STK32C: variants seen among roughly 807,000 people sequenced by gnomAD.
STK32C encodes the protein serine/threonine kinase 32C.
A neutral mutation model predicts 56.5 loss-of-function variants in STK32C; 31 were observed. That is an observed-to-expected ratio of 0.55 (90% CI 0.41 to 0.74). The LOEUF is 0.74. Among genes scored for constraint, STK32C ranks in the 30% least tolerant of loss-of-function variants. STK32C has a pLI of 0.00. For missense variants in STK32C, 544 were observed against 676.9 expected (o/e 0.80, Z 2.18); for synonymous variants, 309 against 289.4 (o/e 1.07, Z -0.69).
downstream of STK32C, among the ~76,000 whole-genome samples, chr10:132,320,318 G>T (rs1243222189): frequency 6.6e-6 from 1 of 152,044 alleles, no homozygotes; most frequent in Admixed American, 6.5e-5. Context: ...AGTCATAACT[G>T]TTGCAATGGG....
intron 10 of STK32C, among the ~76,000 whole-genome samples, chr10:132,210,136 G>A (rs968268218): frequency 3.9e-5 from 6 of 152,214 alleles, no homozygotes; most frequent in African/African-American, 9.6e-5. Context: ...TATGCAATGC[G>A]TGACAACAGT....
At chr10:132,208,280 G>A (rs1590116643) in intron 11 of STK32C, 129 bp from the exon 12 acceptor site, 1 of 1,125,324 alleles carries the variant, frequency 8.9e-7, no homozygotes, top group Non-Finnish European at 1.1e-6. Context: ...CAGGCTCGGT[G>A]TCTGCTGGAG....
Position 132,208,015 on chromosome 10 carries a change from C to T in STK32C, c.1456G>A (p.Gly486Ser), listed in dbSNP as rs780331333. The T allele has an allele frequency of 6.1e-6, 8 of 1,307,926 alleles. No individual in the cohort carries two copies. Among genetic ancestry groups the T allele is most frequent in the African/African-American group, 3.0e-5 (2 of 66,316 alleles). 81.0% of individuals were successfully genotyped at this position (1,307,926 alleles called of 1,614,324 possible). Residue 486 changes from glycine (G) to serine (S), a missense_variant, in exon 12 of 12, where the codon GGC (glycine) becomes AGC (serine). Gly to Ser is a moderately conservative substitution (Grantham distance 56). Around this residue, in one of 3 missense-constraint regions of STK32C, gnomAD observed 277 missense variants for 309.3 expected, o/e 0.90. Transcript: ENST00000298630. ...AGGACCACGGGCGTCCCGGCCTAGCCGCTCCCGGCCGAGGGGCAAATGGGG... is the reference window on the plus strand; with the variant it reads ...AGGACCACGGGCGTCCCGGCCTAGCTGCTCCCGGCCGAGGGGCAAATGGGG... ...CGPICPSAGSG is the reference protein window; with the variant it reads ...CGPICPSAGSS
downstream of STK32C, among the ~76,000 whole-genome samples, chr10:132,321,326 G>A (rs1471647529): frequency 1.3e-5 from 2 of 152,208 alleles, no homozygotes; most frequent in Non-Finnish European, 2.9e-5. Flanking sequence ...CACCTGCAGA[G>A]TAAGAGGTAA....
At chr10:132,305,025 A>G (rs1343500977) in intron 1 of STK32C, among the ~76,000 whole-genome samples, 1 of 152,250 alleles carries the variant, frequency 6.6e-6, no homozygotes, top group Non-Finnish European at 1.5e-5. Flanking sequence ...TGGTATCACC[A>G]GGACACCAAG....
intron 1 of STK32C, chr10:132,249,055 G>T (rs780668227): frequency 2.5e-5 from 12 of 476,280 alleles, no homozygotes; most frequent in Non-Finnish European, 4.6e-5. Flanking sequence ...ACTGTGCGAC[G>T]GAGGCGGCGG....
intron 1 of STK32C, among the ~76,000 whole-genome samples, chr10:132,263,613 T>C (rs1451019030): frequency 2.0e-5 from 3 of 151,866 alleles, no homozygotes; most frequent in Non-Finnish European, 4.4e-5. Context: ...ATCCCAGCAT[T>C]TTGGGAGGCA....
intron 1 of STK32C, among the ~76,000 whole-genome samples, chr10:132,267,375 G>C (rs1279411384): frequency 6.6e-5 from 10 of 152,272 alleles, no homozygotes; most frequent in African/African-American, 2.4e-4. Context: ...ACATGTGAAT[G>C]TGCATGTGTG....
chr10:132,264,879 C>CATTCTG (rs2064446433), intron 1 of STK32C, among the ~76,000 whole-genome samples: 1 of 152,252 alleles, frequency 6.6e-6, no homozygotes, highest in Non-Finnish European at 1.5e-5. Context: ...TAGGGCGCTT[C>CATTCTG]ATTCTGACTT....
intron 1 of STK32C, among the ~76,000 whole-genome samples, chr10:132,331,260 G>A (rs185637709): frequency 6.7e-6 from 1 of 150,266 alleles, no homozygotes; most frequent in African/African-American, 2.5e-5. Flanking sequence ...AACTGTCCGG[G>A]TTTCCAGAGT....
intron 1 of STK32C, among the ~76,000 whole-genome samples, chr10:132,299,695 C>A (rs1399426733): frequency 6.6e-6 from 1 of 152,248 alleles, no homozygotes; most frequent in Non-Finnish European, 1.5e-5. Context: ...CCCACAGCAT[C>A]GTGAGAAACC....
chr10:132,208,640 T>C (rs1478015401), intron 11 of STK32C, among the ~76,000 whole-genome samples: 1 of 152,200 alleles, frequency 6.6e-6, no homozygotes, highest in Non-Finnish European at 1.5e-5. Flanking sequence ...ATTTCTGGCC[T>C]GCCTTGCCTG....
At chr10:132,248,757 G>A (rs1177831761) in intron 1 of STK32C, among the ~76,000 whole-genome samples, 3 of 152,142 alleles carry the variant, frequency 2.0e-5, no homozygotes, top group Admixed American at 1.3e-4. Flanking sequence ...CCTGGGAAAC[G>A]AAGCCAGCAT....
intron 1 of STK32C, among the ~76,000 whole-genome samples, chr10:132,248,244 G>A (rs2063759513): frequency 6.6e-6 from 1 of 152,218 alleles, no homozygotes; most frequent in African/African-American, 2.4e-5. Flanking sequence ...CCAGCACGTG[G>A]GACAGATGGG....
At chr10:132,240,343 A>G (rs2063457643) in intron 2 of STK32C, among the ~76,000 whole-genome samples, 1 of 152,168 alleles carries the variant, frequency 6.6e-6, no homozygotes, top group Non-Finnish European at 1.5e-5. Context: ...TGTCACAGTC[A>G]CACATGGCAG....
At chr10:132,323,970 A>G, downstream of STK32C, 2 of 435,922 alleles carry the variant, frequency 4.6e-6, no homozygotes, top group Non-Finnish European at 8.3e-6. This position sits in a 1 kb window ranked among gnomAD's most constrained non-coding sequence, Gnocchi z 4.8. Context: ...GTCCGGAGAG[A>G]GCGGGAAGCC....
chr10:132,331,869 G>T (rs775458695), upstream of STK32C: 4 of 1,298,692 alleles, frequency 3.1e-6, no homozygotes, highest in African/African-American at 3.0e-5. Flanking sequence ...GGCCGCGTGC[G>T]TGCGCAGGCG....
chr10:132,222,261 G>T (rs1390052432), intron 10 of STK32C, among the ~76,000 whole-genome samples: 1 of 150,068 alleles, frequency 6.7e-6, no homozygotes, highest in African/African-American at 2.5e-5. Flanking sequence ...ACCTGGGTGA[G>T]TGTGAGGGCT....
chr10:132,231,144 C>A (rs765765035), intron 2 of STK32C, among the ~76,000 whole-genome samples: 1 of 152,246 alleles, frequency 6.6e-6, no homozygotes, highest in African/African-American at 2.4e-5. Flanking sequence ...CCCCGTCACA[C>A]GCATCCCATC....
Sources: gnomAD v4.1 joint callset for allele counts (sites outside exome capture counted in the v4.1 genomes callset) on GRCh38, gnomAD v4.1.1 for gene constraint, gnomAD v4.1.1 regional missense constraint, Gnocchi (gnomAD v3.1) non-coding constraint, MANE v1.5 for transcripts, NCBI Gene and HGNC (gene_info 2026-07-23, HGNC 2026-07-21) for gene names.